The following CDK19 variants were observed in gnomAD, a reference collection of about 807,000 sequenced individuals.
CDK19 encodes cyclin dependent kinase 19, also known as cyclin-dependent kinase 19.
CDK19 carries 20 observed loss-of-function variants against 68.3 expected under a neutral mutation model. The observed-to-expected ratio is 0.29, with a 90% CI of 0.21 to 0.43. CDK19 has a LOEUF of 0.43. Ranked by LOEUF, CDK19 falls within the 20% of genes least tolerant of loss-of-function variation. The pLI is 1.00. For missense variants in CDK19, 339 were observed against 623.5 expected, an observed-to-expected ratio of 0.54 and a Z score of 4.86; for synonymous variants, 221 against 222.8, an observed-to-expected ratio of 0.99 and a Z score of 0.07.
At chr6:110,728,757 G>T (rs114014093) in intron 2 of CDK19, among the ~76,000 whole-genome samples, 20 of 152,080 alleles carry the variant, frequency 1.3e-4, no homozygotes, top group Admixed American at 2.6e-4. Flanking sequence ...GGCATGCTGC[G>T]TCATGCTTAT....
chr6:110,645,478 T>A (rs560532527), intron 4 of CDK19, among the ~76,000 whole-genome samples: 2 of 152,262 alleles, frequency 1.3e-5, no homozygotes, highest in East Asian at 3.9e-4. Flanking sequence ...AATAATGAGT[T>A]ATGTGCTCAA....
chr6:110,794,364 TG>T (rs1781792021), intron 1 of CDK19, among the ~76,000 whole-genome samples: 1 of 150,586 alleles, frequency 6.6e-6, no homozygotes, highest in Non-Finnish European at 1.5e-5. Context: ...CAGTGTTAAA[TG>T]ACAGCTAGAT....
At chr6:110,661,489 G>T (rs1441630791) in intron 4 of CDK19, among the ~76,000 whole-genome samples, 2 of 152,054 alleles carry the variant, frequency 1.3e-5, no homozygotes, top group African/African-American at 4.8e-5. Context: ...TTGCCAGACA[G>T]GTGTATAGTG....
intron 1 of CDK19, among the ~76,000 whole-genome samples, chr6:110,808,618 CAA>C (rs1473554992): frequency 6.6e-6 from 1 of 152,166 alleles, no homozygotes; most frequent in Admixed American, 6.5e-5. Flanking sequence ...CCTTAGGCCT[CAA>C]AAAGTTTTTG....
chr6:110,618,979 C>T (rs530708628), intron 12 of CDK19, among the ~76,000 whole-genome samples: 1 of 152,220 alleles, frequency 6.6e-6, no homozygotes, highest in South Asian at 2.1e-4. Flanking sequence ...ATTAACCTGC[C>T]TTTTGTGAGT....
intron 1 of CDK19, among the ~76,000 whole-genome samples, chr6:110,779,589 A>G (rs1008161057): frequency 6.6e-6 from 1 of 152,146 alleles, no homozygotes; most frequent in African/African-American, 2.4e-5. Context: ...AGATGAATAA[A>G]TGAAGTTCAG....
At chr6:110,755,595 A>G (rs965045584) in intron 1 of CDK19, among the ~76,000 whole-genome samples, 14 of 152,200 alleles carry the variant, frequency 9.2e-5, no homozygotes, top group African/African-American at 2.9e-4. Context: ...ACGTGTGGAC[A>G]AAGTCCAAAG....
At chr6:110,646,516 C>T (rs1780588495) in intron 4 of CDK19, 2 of 1,324,764 alleles carry the variant, frequency 1.5e-6, no homozygotes, top group South Asian at 1.6e-5. Context: ...CCTGGGAAAC[C>T]GACGTGCGCC....
intron 2 of CDK19, among the ~76,000 whole-genome samples, chr6:110,741,222 G>GT (rs1449360370): frequency 6.6e-6 from 1 of 152,176 alleles, no homozygotes; most frequent in South Asian, 2.1e-4. Context: ...TTGAGAGGAT[G>GT]AGGCAGGAGG....
chr6:110,760,707 G>A (rs554662698), intron 1 of CDK19, among the ~76,000 whole-genome samples: 13 of 152,262 alleles, frequency 8.5e-5, no homozygotes, highest in African/African-American at 2.4e-4. Context: ...CAGCCTGGGC[G>A]ACAGGGCGAG....
intron 1 of CDK19, among the ~76,000 whole-genome samples, chr6:110,765,390 G>A (rs1456154918): frequency 6.7e-6 from 1 of 148,730 alleles, no homozygotes; most frequent in African/African-American, 2.5e-5. Flanking sequence ...ACGAAAAGAA[G>A]AGAACAGGTC....
At chr6:110,806,820 T>C (rs1782712312) in intron 1 of CDK19, among the ~76,000 whole-genome samples, 1 of 149,476 alleles carries the variant, frequency 6.7e-6, no homozygotes, top group Non-Finnish European at 1.5e-5. Flanking sequence ...CTACTAAAAA[T>C]ACAAAAAATT....
chr6:110,799,267 GAAGAA>G (rs913604535), intron 1 of CDK19, among the ~76,000 whole-genome samples: 4 of 149,636 alleles, frequency 2.7e-5, no homozygotes, highest in African/African-American at 7.4e-5. Flanking sequence ...CAGAAGACTT[GAAGAA>G]AAGGCAGAAT....
intron 2 of CDK19, among the ~76,000 whole-genome samples, chr6:110,714,728 T>TC (rs1775239021): frequency 6.7e-6 from 1 of 149,920 alleles, no homozygotes; most frequent in African/African-American, 2.5e-5. Flanking sequence ...TTTTCTTTTT[T>TC]TTTTTTTTTT....
At chr6:110,655,286 A>C (rs1781236430) in intron 4 of CDK19, among the ~76,000 whole-genome samples, 1 of 151,882 alleles carries the variant, frequency 6.6e-6, no homozygotes, top group South Asian at 2.1e-4. Context: ...GAATTGCTTG[A>C]ACCCAGGAGG....
chr6:110,630,241 T>C (rs548593421), intron 6 of CDK19, among the ~76,000 whole-genome samples: 1 of 152,324 alleles, frequency 6.6e-6, no homozygotes, highest in South Asian at 2.1e-4. Context: ...AAATCTCCCT[T>C]CTAGAGCTAG....
At position 110,685,134 on chromosome 6, in the gene CDK19, T is replaced by C. The variant is rs542209274; in HGVS notation, c.205-14593A>G. On this transcript the variant is annotated intron_variant, in intron 2 of 12. Coordinates refer to ENST00000368911, the MANE Select transcript of CDK19 (RefSeq NM_015076.5). ...GCCTGGGCGACACAGCGAAACTCTG[T>C]CTCAAAAAAAAAGAAAAGAAAACCT... Among the ~76,000 whole-genome samples the C allele has an allele frequency of 9.8e-4, 149 of 152,010 alleles. No homozygotes were observed. The Middle Eastern group carries it at 0.014, about 14-fold the overall frequency.
At chr6:110,694,063 A>G (rs1416646324) in intron 2 of CDK19, among the ~76,000 whole-genome samples, 1 of 150,322 alleles carries the variant, frequency 6.7e-6, no homozygotes, top group African/African-American at 2.5e-5. Context: ...CCTACAAAAC[A>G]ATAACACAAT....
chr6:110,750,770 A>C (rs1340255550), intron 1 of CDK19, among the ~76,000 whole-genome samples: 1 of 152,210 alleles, frequency 6.6e-6, no homozygotes, highest in Non-Finnish European at 1.5e-5. Context: ...ATAGATAAGA[A>C]GACTTTTGAG....
Sources: allele counts gnomAD v4.1 joint callset (sites outside exome capture counted in the v4.1 genomes callset), GRCh38; gene constraint gnomAD v4.1.1; transcripts MANE v1.5; gene names NCBI Gene and HGNC (gene_info 2026-07-23, HGNC 2026-07-21).